Variants in P2RY12 observed in about 807,000 individuals in gnomAD.
P2RY12 encodes the protein purinergic receptor P2Y12.
In P2RY12, 3 loss-of-function variants were observed where a neutral mutation model predicts 4.5. The ratio of observed to expected loss-of-function variants is 0.67; its 90% CI spans 0.31 to 1.74. P2RY12 has a LOEUF of 1.74. Ranked by LOEUF, P2RY12 falls within the 40% of genes most tolerant of loss-of-function variation. P2RY12 has a pLI of 0.09. For missense variants in P2RY12, 356 were observed against 407.8 expected (o/e 0.87, Z 1.09); for synonymous variants, 148 against 154.1 (o/e 0.96, Z 0.29).
intron 1 of P2RY12, chr3:151,350,123 G>T: frequency 6.2e-7 from 1 of 1,613,552 alleles, no homozygotes; most frequent in Non-Finnish European, 8.5e-7. Context: ...GGCAAAGAGC[G>T]TGATGAAGCA....
intron 1 of P2RY12, among the ~76,000 whole-genome samples, chr3:151,381,629 C>T (rs753551416): frequency 2.0e-4 from 30 of 152,182 alleles, no homozygotes; most frequent in African/African-American, 2.7e-4. Flanking sequence ...TTACCTCCTT[C>T]GGGAGGCCTT....
chr3:151,364,874 G>A, intron 1 of P2RY12: 1 of 767,594 alleles, frequency 1.3e-6, no homozygotes, highest in Non-Finnish European at 2.2e-6. Flanking sequence ...ATCTTCTCTA[G>A]GAATGCATTA....
chr3:151,367,620 A>G (rs775938446), intron 1 of P2RY12: 7 of 1,590,418 alleles, frequency 4.4e-6, no homozygotes. Context: ...GTTAGGTATT[A>G]AAACCTGTCA....
intron 1 of P2RY12, chr3:151,355,909 T>C: frequency 6.2e-7 from 1 of 1,613,532 alleles, no homozygotes; most frequent in Non-Finnish European, 8.5e-7. Context: ...TCTAACAATG[T>C]GCTAGAACAA....
chr3:151,374,936 A>T (rs947141645), intron 1 of P2RY12, among the ~76,000 whole-genome samples: 2 of 151,806 alleles, frequency 1.3e-5, no homozygotes, highest in African/African-American at 2.4e-5. Flanking sequence ...TTCTCTTATA[A>T]AAAAAAAGTG....
chr3:151,374,203 G>GTGCT (rs1280561703), intron 1 of P2RY12, among the ~76,000 whole-genome samples: 1 of 148,944 alleles, frequency 6.7e-6, no homozygotes, highest in Non-Finnish European at 1.5e-5. Flanking sequence ...CATGTTAAAT[G>GTGCT]TGCTATCCAG....
At chr3:151,376,937 G>A (rs1269286924) in intron 1 of P2RY12, 7 of 1,610,416 alleles carry the variant, frequency 4.3e-6, no homozygotes, top group African/African-American at 4.0e-5. Context: ...ACACGTTGAT[G>A]TTTGAGGATA....
intron 1 of P2RY12, chr3:151,376,755 C>A: frequency 6.9e-7 from 1 of 1,456,134 alleles, no homozygotes; most frequent in Non-Finnish European, 9.6e-7. Flanking sequence ...TGTATTTTAA[C>A]ACATTTGATA....
At chr3:151,362,669 G>A (rs1234282363) in intron 1 of P2RY12, among the ~76,000 whole-genome samples, 2 of 151,764 alleles carry the variant, frequency 1.3e-5, no homozygotes, top group South Asian at 2.1e-4. Context: ...TTTTTTCACT[G>A]CTACATCCCA....
At chr3:151,368,714 C>T (rs1394986935) in intron 1 of P2RY12, among the ~76,000 whole-genome samples, 16 of 48,706 alleles carry the variant, frequency 3.3e-4, no homozygotes, top group South Asian at 1.2e-3. Context: ...CATTTCATTT[C>T]ATTTCATTTC....
chr3:151,338,236 T>A lies in P2RY12; in HGVS notation c.610A>T (p.Ile204Phe). 1 of 1,614,086 alleles carries A rather than the reference T, an allele frequency of 6.2e-7. No homozygotes were observed. Residue 204 changes from isoleucine to phenylalanine, a missense_variant, in exon 3 of 3, where the codon ATT (isoleucine) becomes TTT (phenylalanine). Physicochemically the swap from Ile to Phe is conservative, Grantham distance 21. Transcript: ENST00000302632. ...CQVIFWINFLIVIVCYTLITK... is the reference protein window; with the variant it reads ...CQVIFWINFLFVIVCYTLITK... ...ATGAGTGTATAACATACAATAACAA[T>A]TAAGAAATTAATCCAGAAAATGACT...
intron 1 of P2RY12, among the ~76,000 whole-genome samples, chr3:151,350,941 C>A (rs771375925): frequency 6.6e-6 from 1 of 152,194 alleles, no homozygotes; most frequent in Non-Finnish European, 1.5e-5. Flanking sequence ...ATTAGGCAAT[C>A]AAATTATTTT....
rs1263707463 is a variant in P2RY12, at chr3:151,338,415, A to G, written c.431T>C (p.Leu144Pro). 2 of 1,614,006 alleles carry G rather than the reference A, an allele frequency of 1.2e-6. No homozygotes were observed. The highest frequency in any genetic ancestry group is 1.7e-6 in the Non-Finnish European group (2 of 1,180,024). ...NPKNLLGAKI[L>P]SVVIWAFMFL... is the part of the protein sequence containing the mutation. ...CATGAATGCCCAGATGACAACAGAG[A>G]GAATCTTAGCCCCCAAGAGATTTTT... The change falls in exon 3 of 3, where the codon CTC (leucine) becomes CCC (proline). Residue 144 changes from leucine to proline, a missense_variant. Physicochemically the swap from Leu to Pro is moderately conservative, Grantham distance 98. Coordinates refer to ENST00000302632, the MANE Select transcript of P2RY12 (RefSeq NM_022788.5).
intron 1 of P2RY12, chr3:151,382,754 C>CATTTCTAGTAT: frequency 6.2e-7 from 1 of 1,601,040 alleles, no homozygotes; most frequent in Non-Finnish European, 8.5e-7. Flanking sequence ...TGGTAAGTGA[C>CATTTCTAGTAT]ATTTCTAGTA....
intron 1 of P2RY12, among the ~76,000 whole-genome samples, chr3:151,366,215 G>A (rs1755249100): frequency 4.6e-5 from 7 of 152,106 alleles, no homozygotes; most frequent in Admixed American, 4.6e-4. Flanking sequence ...TGTAGCAGAG[G>A]GGCCAAGAAT....
intron 1 of P2RY12, among the ~76,000 whole-genome samples, chr3:151,382,428 C>T (rs2108138861): frequency 6.6e-6 from 1 of 152,154 alleles, no homozygotes; most frequent in East Asian, 1.9e-4. Context: ...CATAGGCTAG[C>T]TATATAATTA....
At chr3:151,369,486 G>A (rs779749987) in intron 1 of P2RY12, 15 of 1,611,422 alleles carry the variant, frequency 9.3e-6, no homozygotes, top group Admixed American at 3.3e-5. Context: ...CCTCTTAGCC[G>A]CTGCTCACAA....
chr3:151,370,532 A>T (rs1479984632), intron 1 of P2RY12, among the ~76,000 whole-genome samples: 1 of 152,192 alleles, frequency 6.6e-6, no homozygotes, highest in Non-Finnish European at 1.5e-5. Context: ...TGTAGTAAAA[A>T]GGGGAGGTAG....
rs747048119 is a variant in P2RY12 at position 151,368,231 on chromosome 3, G to C, written c.-180+16461C>G. On this transcript the variant is annotated intron_variant, in intron 1 of 2. Coordinates refer to ENST00000302632, the MANE Select transcript of P2RY12 (RefSeq NM_022788.5). Reference sequence around the variant, plus strand: ...CATCTCTTCCGAGCTCCCCAGGCCTGCTTCTTACCTCAAGCAACGGGTGAG... The same window carrying C: ...CATCTCTTCCGAGCTCCCCAGGCCTCCTTCTTACCTCAAGCAACGGGTGAG... 1.9e-5 allele frequency: 30 copies of C among 1,613,846 alleles called. No homozygotes were observed. The Admixed American group carries it at 2.8e-4, about 15-fold the overall frequency.
Sources: gnomAD v4.1 joint callset for allele counts (sites outside exome capture counted in the v4.1 genomes callset) on GRCh38, gnomAD v4.1.1 for gene constraint, MANE v1.5 for transcripts, NCBI Gene and HGNC (gene_info 2026-07-23, HGNC 2026-07-21) for gene names.